The following IMMP2L variants were observed in gnomAD, a reference collection of about 807,000 sequenced individuals.
IMMP2L encodes the protein mitochondrial inner membrane protease subunit 2.
In IMMP2L, 18 loss-of-function variants were observed where a neutral mutation model predicts 19.3. That is an observed-to-expected ratio of 0.93 (90% CI 0.64 to 1.38). IMMP2L has a LOEUF of 1.38. IMMP2L is among the 40% of genes most tolerant of loss of function. IMMP2L has a pLI of 0.00. For synonymous variants in IMMP2L, 76 were observed against 73.0 expected (o/e 1.04, Z -0.21); for missense variants, 233 against 218.2 (o/e 1.07, Z -0.43).
intron 5 of IMMP2L, among the ~76,000 whole-genome samples, chr7:110,827,950 A>G (rs1803650286): frequency 6.6e-6 from 1 of 152,160 alleles, no homozygotes; most frequent in Admixed American, 6.6e-5. Context: ...TCAGCAGTTA[A>G]TCATGAGAGA....
chr7:111,513,490 C>T (rs1263301886), intron 2 of IMMP2L, among the ~76,000 whole-genome samples: 6 of 151,934 alleles, frequency 3.9e-5, no homozygotes, highest in Non-Finnish European at 7.4e-5. Context: ...AAAAGAGAAC[C>T]CTTGTGCTCT....
At chr7:111,307,631 A>C (rs1823024276) in intron 3 of IMMP2L, among the ~76,000 whole-genome samples, 1 of 151,520 alleles carries the variant, frequency 6.6e-6, no homozygotes, top group African/African-American at 2.4e-5. Context: ...GTATTTATTA[A>C]ATCGAGAAAA....
At chr7:111,414,000 G>A (rs1563161935) in intron 3 of IMMP2L, among the ~76,000 whole-genome samples, 2 of 151,838 alleles carry the variant, frequency 1.3e-5, no homozygotes, top group Non-Finnish European at 2.9e-5. Flanking sequence ...AGTTCCACTA[G>A]CATCCCAAGT....
At chr7:111,482,775 C>T (rs1842302853) in intron 3 of IMMP2L, among the ~76,000 whole-genome samples, 1 of 152,162 alleles carries the variant, frequency 6.6e-6, no homozygotes, top group African/African-American at 2.4e-5. Context: ...GCTGCAGCTT[C>T]CTCAGCCTCA....
intron 4 of IMMP2L, among the ~76,000 whole-genome samples, chr7:110,894,023 T>C (rs1022366728): frequency 6.6e-6 from 1 of 152,058 alleles, no homozygotes; most frequent in African/African-American, 2.4e-5. Flanking sequence ...AGAACTCTCT[T>C]CCACCAGGAG....
intron 5 of IMMP2L, among the ~76,000 whole-genome samples, chr7:110,700,970 G>A (rs567894738): frequency 6.6e-6 from 1 of 152,060 alleles, no homozygotes; most frequent in Non-Finnish European, 1.5e-5. Context: ...TATAGATTTT[G>A]CAACAGCTTT....
intron 3 of IMMP2L, among the ~76,000 whole-genome samples, chr7:111,172,208 G>A (rs1426693738): frequency 6.6e-6 from 1 of 151,564 alleles, no homozygotes; most frequent in East Asian, 1.9e-4. Flanking sequence ...ATGCAGTACA[G>A]TGCTGGTTCC....
intron 1 of IMMP2L, among the ~76,000 whole-genome samples, chr7:111,539,188 G>A (rs1848216193): frequency 1.4e-5 from 1 of 69,088 alleles, no homozygotes; most frequent in African/African-American, 7.0e-5. Context: ...AGGAAGGAAG[G>A]AAGGAGGGAG....
intron 3 of IMMP2L, among the ~76,000 whole-genome samples, chr7:111,269,677 A>G (rs1316732038): frequency 2.0e-5 from 3 of 152,150 alleles, no homozygotes. Context: ...CACATCATGA[A>G]AGAAGATGTA....
intron 5 of IMMP2L, among the ~76,000 whole-genome samples, chr7:110,734,150 G>T (rs562539720): frequency 6.6e-6 from 1 of 152,298 alleles, no homozygotes; most frequent in Admixed American, 6.5e-5. Flanking sequence ...GAACAGAGGG[G>T]CATTGAGGGC....
At chr7:111,409,943 G>A (rs976766961) in intron 3 of IMMP2L, among the ~76,000 whole-genome samples, 2 of 151,766 alleles carry the variant, frequency 1.3e-5, no homozygotes, top group Non-Finnish European at 2.9e-5. Context: ...TAAGAATGGG[G>A]AACTCAGAGC....
chr7:110,867,292 T>C (rs995570368), intron 5 of IMMP2L, among the ~76,000 whole-genome samples: 2 of 151,914 alleles, frequency 1.3e-5, no homozygotes, highest in Admixed American at 6.6e-5. Context: ...CCTCATCTTA[T>C]AAGGGCACTA....
chr7:111,305,341 T>G (rs1822748343), intron 3 of IMMP2L, among the ~76,000 whole-genome samples: 1 of 152,142 alleles, frequency 6.6e-6, no homozygotes, highest in South Asian at 2.1e-4. Flanking sequence ...GCTAAATATT[T>G]TTTTTGAGAT....
chr7:111,356,661 C>A (rs1357837412), intron 3 of IMMP2L, among the ~76,000 whole-genome samples: 1 of 152,024 alleles, frequency 6.6e-6, no homozygotes, highest in Admixed American at 6.6e-5. Context: ...TCCAGATAAA[C>A]TGAAATAAAA....
intron 3 of IMMP2L, among the ~76,000 whole-genome samples, chr7:110,972,427 G>A (rs1258168200): frequency 6.6e-6 from 1 of 151,996 alleles, no homozygotes; most frequent in Non-Finnish European, 1.5e-5. Context: ...TTAATGTTAT[G>A]CATATGTTTC....
chr7:110,829,341 G>C (rs1803765925), intron 5 of IMMP2L, among the ~76,000 whole-genome samples: 1 of 152,130 alleles, frequency 6.6e-6, no homozygotes, highest in Admixed American at 6.6e-5. Flanking sequence ...GGATATAACA[G>C]CTTAACAGCT....
chr7:111,515,191 T>C (rs1301483197), intron 2 of IMMP2L, among the ~76,000 whole-genome samples: 2 of 152,176 alleles, frequency 1.3e-5, no homozygotes, highest in African/African-American at 4.8e-5. Context: ...CCAGGGAATT[T>C]GGTGCCTGAG....
At chr7:111,177,334 A>G (rs1268202487) in intron 3 of IMMP2L, among the ~76,000 whole-genome samples, 1 of 152,068 alleles carries the variant, frequency 6.6e-6, no homozygotes. Flanking sequence ...TGCATACTAC[A>G]TGCCAGCTAA....
intron 3 of IMMP2L, chr7:111,391,774 G>A (rs1332269830): frequency 2.3e-5 from 14 of 620,814 alleles, no homozygotes; most frequent in African/African-American, 5.5e-5. Context: ...AAACAACTAC[G>A]ATAAGAGTAT....
Sources: allele counts gnomAD v4.1 joint callset (sites outside exome capture counted in the v4.1 genomes callset), GRCh38; gene constraint gnomAD v4.1.1; transcripts MANE v1.5; gene names NCBI Gene and HGNC (gene_info 2026-07-23, HGNC 2026-07-21).